Variants in RGS5 observed in about 807,000 individuals in gnomAD.
RGS5 encodes the protein regulator of G protein signaling 5.
A neutral mutation model predicts 18.9 loss-of-function variants in RGS5; 20 were observed. That is an observed-to-expected ratio of 1.06 (90% CI 0.74 to 1.54). The LOEUF (loss-of-function observed/expected upper bound fraction) is 1.54, where lower values mean the gene tolerates loss of function less well. RGS5 is among the 40% of genes most tolerant of loss of function. The pLI is 0.00. For synonymous variants in RGS5, 57 were observed against 76.2 expected, an observed-to-expected ratio of 0.75 and a Z score of 1.31; for missense variants, 201 against 211.8, an observed-to-expected ratio of 0.95 and a Z score of 0.32.
At chr1:163,203,378 C>T (rs1285625566), upstream of RGS5, among the ~76,000 whole-genome samples, 1 of 152,078 alleles carries the variant, frequency 6.6e-6, no homozygotes, top group East Asian at 1.9e-4. Flanking sequence ...TACCAAGTGC[C>T]AGGCACTCAG....
At chr1:163,165,458 G>A (rs1657998072) in intron 2 of RGS5, among the ~76,000 whole-genome samples, 2 of 152,202 alleles carry the variant, frequency 1.3e-5, no homozygotes, top group Admixed American at 6.5e-5. Context: ...AACCTATGTG[G>A]TTGGCTAATG....
At chr1:163,309,503 T>G (rs1429002754) in intron 1 of RGS5, among the ~76,000 whole-genome samples, 1 of 152,202 alleles carries the variant, frequency 6.6e-6, no homozygotes, top group Non-Finnish European at 1.5e-5. Context: ...GAAACCTTTT[T>G]TTTTTTCTTA....
At chr1:163,278,123 G>C (rs1464695977) in intron 2 of RGS5, among the ~76,000 whole-genome samples, 1 of 152,000 alleles carries the variant, frequency 6.6e-6, no homozygotes. Flanking sequence ...AAAACTTTCT[G>C]AGTCTTGCAA....
intron 1 of RGS5, among the ~76,000 whole-genome samples, chr1:163,180,700 T>G (rs981721205): frequency 1.5e-5 from 2 of 129,478 alleles, no homozygotes; most frequent in Non-Finnish European, 3.3e-5. Context: ...TTTTTTTTTT[T>G]TTTTTTTTTT....
In RGS5 at chr1:163,161,425, A is replaced by G. The variant is rs528433226; in HGVS notation, c.217+490T>C. Among the ~76,000 whole-genome samples, 3 of 152,316 alleles carry G rather than the reference A, an allele frequency of 2.0e-5. 1 individual carries two copies. In the South Asian group the frequency reaches 6.2e-4, roughly 32 times the overall value. On this transcript the variant is annotated intron_variant, in intron 3 of 4. Transcript: ENST00000313961. Reference sequence around the variant, plus strand: ...AAGATGTAAAAGGCATGGTGCCAGAAGAGGAAACGGAGGCTGGGGGAGATA... The same window carrying G: ...AAGATGTAAAAGGCATGGTGCCAGAGGAGGAAACGGAGGCTGGGGGAGATA...
intron 1 of RGS5, chr1:163,319,138 A>G (rs1217775639): frequency 1.3e-5 from 2 of 152,216 alleles, no homozygotes; most frequent in African/African-American, 4.8e-5. Flanking sequence ...ACTTAAAAAA[A>G]GAGATTTGTT....
At chr1:163,298,567 T>C (rs974995316) in intron 2 of RGS5, among the ~76,000 whole-genome samples, 5 of 152,140 alleles carry the variant, frequency 3.3e-5, no homozygotes, top group African/African-American at 9.7e-5. Flanking sequence ...AAAGGTTGTC[T>C]TGTTATACAG....
chr1:163,226,486 C>A (rs898105935), intron 2 of RGS5, among the ~76,000 whole-genome samples: 2 of 152,126 alleles, frequency 1.3e-5, no homozygotes, highest in Admixed American at 1.3e-4. Flanking sequence ...TCAACTGATG[C>A]TAGAGTCTCT....
At chr1:163,267,520 C>T (rs1211655019) in intron 2 of RGS5, among the ~76,000 whole-genome samples, 2 of 152,118 alleles carry the variant, frequency 1.3e-5, no homozygotes, top group Non-Finnish European at 2.9e-5. Context: ...CCCCTCATGT[C>T]TATATGTCAT....
intron 2 of RGS5, among the ~76,000 whole-genome samples, chr1:163,285,149 T>C (rs888950961): frequency 1.4e-4 from 22 of 152,198 alleles, no homozygotes; most frequent in Non-Finnish European, 2.5e-4. Context: ...ATGGGAATTA[T>C]GAGAATTACA....
chr1:163,154,244 C>T (rs1657498521), intron 3 of RGS5, among the ~76,000 whole-genome samples: 1 of 152,138 alleles, frequency 6.6e-6, no homozygotes, highest in Non-Finnish European at 1.5e-5. Flanking sequence ...TTCACACAAG[C>T]ATAAAACGTA....
intron 1 of RGS5, among the ~76,000 whole-genome samples, chr1:163,189,565 C>T (rs61810821): frequency 0.12 from 18,353 of 152,200 alleles, 1,502 homozygotes; most frequent in South Asian, 0.19. Context: ...TGGTGTGGGT[C>T]AAAGTGATCT....
At chr1:163,239,726 C>T (rs568413394) in intron 2 of RGS5, among the ~76,000 whole-genome samples, 1 of 152,262 alleles carries the variant, frequency 6.6e-6, no homozygotes, top group Admixed American at 6.5e-5. Flanking sequence ...AAATTCACCT[C>T]CTCTTGATCT....
intron 2 of RGS5, among the ~76,000 whole-genome samples, chr1:163,261,273 T>C (rs1428260134): frequency 2.0e-5 from 3 of 152,150 alleles, no homozygotes; most frequent in Admixed American, 1.3e-4. Flanking sequence ...GTGATGCCCA[T>C]GGTCCTCTCT....
intron 1 of RGS5, among the ~76,000 whole-genome samples, chr1:163,216,387 T>C (rs1056352923): frequency 1.5e-4 from 23 of 152,064 alleles, no homozygotes; most frequent in Non-Finnish European, 5.9e-5. Context: ...ATATGAAAAG[T>C]GACAGTGCAA....
intron 2 of RGS5, among the ~76,000 whole-genome samples, chr1:163,242,827 T>G (rs1647824601): frequency 6.6e-6 from 1 of 152,220 alleles, no homozygotes. Flanking sequence ...TAACGTTTTC[T>G]GAGGGCAGTA....
chr1:163,145,611 C>T lies in RGS5; in HGVS notation c.*1731G>A, dbSNP rs895986257. 2 of 152,116 alleles carry T rather than the reference C, an allele frequency of 1.3e-5. No homozygotes were observed. Among genetic ancestry groups the T allele is most frequent in the Non-Finnish European group, 2.9e-5 (2 of 68,044 alleles). The allele number at this position is 152,116 out of a possible 1,614,324, so 9.4% of individuals were successfully genotyped here. A position where few individuals can be genotyped will look rare whatever the true frequency, so the allele number is the denominator to read the frequency against. On this transcript the variant is annotated 3_prime_UTR_variant, in exon 5 of 5. Coordinates refer to ENST00000313961, the MANE Select transcript of RGS5 (RefSeq NM_003617.4). ...ATACTGGCAAATATGAATGAATTCA[C>T]ACCACTAGCAATTGTTGGCAGAACA...
chr1:163,277,421 C>T lies in RGS5; in HGVS notation c.-281+28812G>A, dbSNP rs147216911. 6.8e-3 allele frequency among the ~76,000 whole-genome samples: 1,036 copies of T among 152,310 alleles called. 10 individuals carry two copies. The highest frequency in any genetic ancestry group is 0.023 in the African/African-American group (973 of 41,570). On this transcript the variant is annotated intron_variant, in intron 2 of 5. Coordinates refer to the RGS5 transcript ENST00000618415. ...AATAAACTTTCTAAATTGATTGATA[C>T]TTGTATCAGATACTTTTTGGTTCAC...
At chr1:163,184,944 C>A (rs1659007237) in intron 1 of RGS5, among the ~76,000 whole-genome samples, 1 of 152,158 alleles carries the variant, frequency 6.6e-6, no homozygotes, top group African/African-American at 2.4e-5. Context: ...AACTAATACA[C>A]CTCACTTAGC....
Sources: allele counts gnomAD v4.1 joint callset (sites outside exome capture counted in the v4.1 genomes callset), GRCh38; gene constraint gnomAD v4.1.1; transcripts MANE v1.5; gene names NCBI Gene and HGNC (gene_info 2026-07-23, HGNC 2026-07-21).